Variants in STARD13 observed in about 807,000 individuals in gnomAD.
STARD13 encodes stAR-related lipid transfer protein 13.
In STARD13, 62 loss-of-function variants were observed where a neutral mutation model predicts 106.4. The observed-to-expected ratio is 0.58, with a 90% CI of 0.48 to 0.72. The LOEUF is 0.72. Ranked by LOEUF, STARD13 falls within the 30% of genes least tolerant of loss-of-function variation. The pLI is 0.00. For missense variants in STARD13, 1,387 were observed against 1,424.0 expected (o/e 0.97, Z 0.42); for synonymous variants, 565 against 553.0 (o/e 1.02, Z -0.31).
intron 8 of STARD13, chr13:33,117,744 A>G: frequency 2.2e-6 from 2 of 923,110 alleles, no homozygotes; most frequent in Non-Finnish European, 2.6e-6. Flanking sequence ...ATACCTATAT[A>G]TAAAACAACT....
At chr13:33,236,144 C>G (rs1262482643) in intron 1 of STARD13, among the ~76,000 whole-genome samples, 1 of 152,086 alleles carries the variant, frequency 6.6e-6, no homozygotes, top group African/African-American at 2.4e-5. Context: ...ACCCGAAGTG[C>G]CTTTTGATTT....
At chr13:33,471,780 A>T in the STARD13 span, among the ~76,000 whole-genome samples, 1 of 152,284 alleles carries the variant, frequency 6.6e-6, no homozygotes, top group East Asian at 1.9e-4. Flanking sequence ...TCCTTTCAAA[A>T]TGGTCACAAA....
At chr13:33,354,973 AT>A (rs568025226), upstream of STARD13, among the ~76,000 whole-genome samples, 154 of 152,044 alleles carry the variant, frequency 1.0e-3, 3 homozygotes, top group South Asian at 0.031. Flanking sequence ...GATTGTGAGC[AT>A]TTTTCCAATG....
the STARD13 span, among the ~76,000 whole-genome samples, chr13:33,615,987 C>T: frequency 2.0e-5 from 3 of 152,226 alleles, no homozygotes; most frequent in Admixed American, 2.0e-4. Context: ...AATGTCATAC[C>T]ATCATTTGTA....
At chr13:33,530,594 C>A in the STARD13 span, among the ~76,000 whole-genome samples, 1 of 152,070 alleles carries the variant, frequency 6.6e-6, no homozygotes, top group South Asian at 2.1e-4. Context: ...TCAACTTGTT[C>A]TTGTCTTCTG....
chr13:33,375,984 T>G, the STARD13 span, among the ~76,000 whole-genome samples: 8 of 152,268 alleles, frequency 5.3e-5, no homozygotes, highest in Admixed American at 5.2e-4. Flanking sequence ...CCACATTACT[T>G]AATGTACTTA....
chr13:33,317,952 C>T (rs1566136076), intron 1 of STARD13, among the ~76,000 whole-genome samples: 1 of 152,174 alleles, frequency 6.6e-6, no homozygotes, highest in Non-Finnish European at 1.5e-5. Flanking sequence ...TTCCCAAGAA[C>T]TAACTTGCTC....
At chr13:33,564,506 ACTAC>A in the STARD13 span, among the ~76,000 whole-genome samples, 1 of 146,678 alleles carries the variant, frequency 6.8e-6, no homozygotes, top group Non-Finnish European at 1.5e-5. Context: ...TAAAAATAGA[ACTAC>A]CATATGTAGT....
chr13:33,220,228 A>G (rs1338144091), intron 1 of STARD13, among the ~76,000 whole-genome samples: 1 of 151,246 alleles, frequency 6.6e-6, no homozygotes, highest in Non-Finnish European at 1.5e-5. Flanking sequence ...TGGCTAGAAA[A>G]CTTTACACAA....
At chr13:33,580,830 A>G in the STARD13 span, among the ~76,000 whole-genome samples, 13 of 152,186 alleles carry the variant, frequency 8.5e-5, no homozygotes, top group African/African-American at 3.1e-4. Context: ...TCAGAATTAG[A>G]AAACATACAT....
intron 8 of STARD13, among the ~76,000 whole-genome samples, chr13:33,117,096 G>A (rs1395954694): frequency 6.6e-6 from 1 of 152,084 alleles, no homozygotes; most frequent in Non-Finnish European, 1.5e-5. Context: ...CTAGCAAAGA[G>A]TCACGTGTTT....
the STARD13 span, among the ~76,000 whole-genome samples, chr13:33,448,623 A>G: frequency 6.6e-6 from 1 of 152,152 alleles, no homozygotes; most frequent in African/African-American, 2.4e-5. Flanking sequence ...TATACCCAGT[A>G]GTGGGATTGC....
chr13:33,255,456 C>G (rs1890315232), intron 1 of STARD13, among the ~76,000 whole-genome samples: 1 of 151,986 alleles, frequency 6.6e-6, no homozygotes, highest in African/African-American at 2.4e-5. Context: ...GGCCCGCACA[C>G]CCTGTTGCCA....
At chr13:33,273,472 A>G (rs1891260955) in intron 1 of STARD13, among the ~76,000 whole-genome samples, 1 of 152,234 alleles carries the variant, frequency 6.6e-6, no homozygotes, top group African/African-American at 2.4e-5. Flanking sequence ...GGGGGACTTA[A>G]GAGTATACAT....
At chr13:33,580,429 G>T in the STARD13 span, among the ~76,000 whole-genome samples, 1 of 152,088 alleles carries the variant, frequency 6.6e-6, no homozygotes, top group Non-Finnish European at 1.5e-5. Context: ...AATGGAGAGG[G>T]CATTTTTAGG....
the STARD13 span, among the ~76,000 whole-genome samples, chr13:33,614,445 G>A: frequency 6.2e-4 from 94 of 152,296 alleles, no homozygotes; most frequent in Non-Finnish European, 1.1e-3. Flanking sequence ...TTTTCAGCCA[G>A]CTGGTGGGCC....
intron 12 of STARD13, among the ~76,000 whole-genome samples, chr13:33,107,162 G>T (rs1873857173): frequency 6.6e-6 from 1 of 152,218 alleles, no homozygotes; most frequent in Admixed American, 6.5e-5. Flanking sequence ...AAATGGTCTT[G>T]CAGCTTTCAG....
At chr13:33,359,369 G>C in the STARD13 span, 3 of 167,272 alleles carry the variant, frequency 1.8e-5, no homozygotes, top group Middle Eastern at 2.8e-3. Context: ...GAACCAACGA[G>C]ACCACGAACC....
chr13:33,281,696 A>G (rs1363394909), intron 1 of STARD13: 1 of 152,210 alleles, frequency 6.6e-6, no homozygotes, highest in Non-Finnish European at 1.5e-5. Context: ...CCTCAAAGAC[A>G]TTGTACAAAG....
Sources: allele counts gnomAD v4.1 joint callset (sites outside exome capture counted in the v4.1 genomes callset), GRCh38; gene constraint gnomAD v4.1.1; transcripts MANE v1.5; gene names NCBI Gene and HGNC (gene_info 2026-07-23, HGNC 2026-07-21).